The following ZNF654 variants were observed in gnomAD, a reference collection of about 807,000 sequenced individuals.
The protein encoded by ZNF654 is zinc finger protein 654.
ZNF654 carries 19 observed loss-of-function variants against 95.3 expected under a neutral mutation model. That is an observed-to-expected ratio of 0.20 (90% CI 0.14 to 0.29). The LOEUF (loss-of-function observed/expected upper bound fraction) is 0.29, where lower values mean the gene tolerates loss of function less well. Among genes scored for constraint, ZNF654 ranks in the 10% least tolerant of loss-of-function variants. The pLI is 1.00. For missense variants in ZNF654, 1,046 were observed against 1,341.0 expected, an observed-to-expected ratio of 0.78 and a Z score of 3.44; for synonymous variants, 413 against 457.9, an observed-to-expected ratio of 0.90 and a Z score of 1.25.
At chr3:88,122,561 C>T (rs1362977784) in intron 3 of ZNF654, among the ~76,000 whole-genome samples, 4 of 152,036 alleles carry the variant, frequency 2.6e-5, no homozygotes. Context: ...TTCGCTCTAC[C>T]TTTGGCCAAG....
chr3:88,130,982 T>C (rs754547166), intron 6 of ZNF654, among the ~76,000 whole-genome samples: 8 of 152,172 alleles, frequency 5.3e-5, no homozygotes, highest in Non-Finnish European at 8.8e-5. Context: ...CACACCTTTA[T>C]ATACAGTTAT....
In ZNF654 at chr3:88,140,500, A is replaced by C; in HGVS notation, c.2831A>C (p.Glu944Ala). The C allele has an allele frequency of 6.2e-7, 1 of 1,613,818 alleles. No individual in the cohort carries two copies. Among genetic ancestry groups the C allele is most frequent in the Non-Finnish European group, 8.5e-7 (1 of 1,179,758 alleles). Residue 944 changes from glutamate to alanine, a missense_variant, in exon 8 of 9, where the codon GAA becomes GCA. By Grantham distance (107) the Glu-to-Ala change is moderately radical (BLOSUM62 -1). Around this residue, in one of 9 missense-constraint regions of ZNF654, gnomAD observed 495 missense variants for 537.0 expected, o/e 0.92. Transcript: ENST00000636215. Reference protein sequence around the residue: ...KTDSLVQNGNERSDDTVSNIS... With the variant: ...KTDSLVQNGNARSDDTVSNIS... ...GACAGTTTAGTTCAGAATGGAAACGAACGTTCTGATGACACTGTTTCAAAT... is the reference window on the plus strand; with the variant it reads ...GACAGTTTAGTTCAGAATGGAAACGCACGTTCTGATGACACTGTTTCAAAT...
At chr3:88,072,787 A>G (rs1250452510) in intron 1 of ZNF654, among the ~76,000 whole-genome samples, 2 of 152,236 alleles carry the variant, frequency 1.3e-5, no homozygotes, top group Admixed American at 6.5e-5. Context: ...CTTGGTACAC[A>G]GTAGGCACTC....
At chr3:88,107,650 C>A (rs1288576858) in intron 2 of ZNF654, among the ~76,000 whole-genome samples, 1 of 152,074 alleles carries the variant, frequency 6.6e-6, no homozygotes, top group South Asian at 2.1e-4. Context: ...TTAACTCTTG[C>A]TTCTTGTGTT....
Position 88,059,303 on chromosome 3 carries a change from T to A in ZNF654, c.-17T>A. On this transcript the variant is annotated 5_prime_UTR_variant, in exon 1 of 9. Transcript: ENST00000636215. Reference sequence around the variant, plus strand: ...CGGCGGCGCAGGGGCTGGTACGCGCTGGGCGGCGAGAGCCTCATGGCGGAG... The same window carrying A: ...CGGCGGCGCAGGGGCTGGTACGCGCAGGGCGGCGAGAGCCTCATGGCGGAG... The A allele has an allele frequency of 6.5e-7, 1 of 1,533,272 alleles. No individual in the cohort carries two copies. The highest frequency in any genetic ancestry group is 8.7e-7 in the Non-Finnish European group (1 of 1,146,548). The allele number at this position is 1,533,272 out of a possible 1,614,324, so 95.0% of individuals were successfully genotyped here.
rs571801489 is a variant in ZNF654, at chr3:88,139,102, C to T, written c.1433C>T (p.Thr478Ile). Residue 478 changes from threonine to isoleucine, a missense_variant, in exon 8 of 9, where the codon ACA (threonine) becomes ATA (isoleucine). By Grantham distance (89) the Thr-to-Ile change is moderately conservative (BLOSUM62 -1). Coordinates refer to ENST00000636215, the MANE Select transcript of ZNF654 (RefSeq NM_001350134.2). Reference sequence around the variant, plus strand: ...GCAGTTAGATTTCTAAATGAAAGCACACTGGAAAATAATGCAGGTAATCTA... The same window carrying T: ...GCAGTTAGATTTCTAAATGAAAGCATACTGGAAAATAATGCAGGTAATCTA... ...KSAVRFLNESTLENNAGNLKR... is the reference protein window; with the variant it reads ...KSAVRFLNESILENNAGNLKR... 28 of 1,263,020 alleles carry T rather than the reference C, an allele frequency of 2.2e-5. No homozygotes were observed. In the Admixed American group the frequency reaches 3.9e-4, roughly 18 times the overall value. 78.2% of individuals were successfully genotyped at this position (1,263,020 alleles called of 1,614,324 possible).
At chr3:88,119,270 TA>T (rs1222390549) in intron 3 of ZNF654, among the ~76,000 whole-genome samples, 7 of 146,312 alleles carry the variant, frequency 4.8e-5, no homozygotes, top group Non-Finnish European at 9.0e-5. Flanking sequence ...TCATTCTCAG[TA>T]AACTATCGCA....
rs569657662 is a variant in ZNF654 at position 88,077,749 on chromosome 3, A to G, written c.187-8508A>G. On this transcript the variant is annotated intron_variant, in intron 1 of 8. Coordinates refer to ENST00000636215, the MANE Select transcript of ZNF654 (RefSeq NM_001350134.2). ...TTTAACAGAATATTTTAAAAACTGA[A>G]GAAGTCACAACTGATTTTAAATATT... 2.2e-4 allele frequency among the ~76,000 whole-genome samples: 33 copies of G among 152,336 alleles called. No individual in the cohort carries two copies. The South Asian group carries it at 6.4e-3, about 30-fold the overall frequency.
Position 88,143,562 on chromosome 3 carries a change from A to G in ZNF654, c.*1910A>G, listed in dbSNP as rs1707225190. 1 of 152,332 alleles carries G rather than the reference A, an allele frequency of 6.6e-6. No homozygotes were observed. 9.4% of individuals were successfully genotyped at this position (152,332 alleles called of 1,614,324 possible). On this transcript the variant is annotated 3_prime_UTR_variant, in exon 9 of 9. Transcript: ENST00000636215. ...AATATTTCTGCTTTGTACATTTTCC[A>G]GAAGTTTAATATTTTATCACATTTT...
chr3:88,086,613 A>G (rs1054297881), intron 2 of ZNF654, among the ~76,000 whole-genome samples: 1 of 152,204 alleles, frequency 6.6e-6, no homozygotes, highest in African/African-American at 2.4e-5. Flanking sequence ...ATTTTGATAT[A>G]CAGATTCTTC....
chr3:88,112,358 G>A (rs1705144020), intron 2 of ZNF654, among the ~76,000 whole-genome samples: 1 of 151,694 alleles, frequency 6.6e-6, no homozygotes, highest in South Asian at 2.1e-4. Context: ...GATTTAGAGG[G>A]ATTTGTCACT....
At position 88,100,899 on chromosome 3, in the gene ZNF654, T is replaced by C. The variant is rs552275870; in HGVS notation, c.333-12216T>C. On this transcript the variant is annotated intron_variant, in intron 2 of 8. Transcript: ENST00000636215. The stretch of plus-strand genomic sequence containing the variant: ...GTGTGCAGCACACCAACATGGCACC[T>C]GTATACATATGTAACAAACCTGCAC... Among the ~76,000 whole-genome samples, 281 of 152,336 alleles carry C rather than the reference T, an allele frequency of 1.8e-3. 5 individuals carry two copies. The highest frequency in any genetic ancestry group is 6.4e-3 in the African/African-American group (265 of 41,568).
intron 2 of ZNF654, among the ~76,000 whole-genome samples, chr3:88,088,677 GGAAA>G (rs912271441): frequency 6.6e-6 from 1 of 152,016 alleles, no homozygotes; most frequent in African/African-American, 2.4e-5. Flanking sequence ...ATTGTAGGAG[GGAAA>G]GAGAGTTTAG....
chr3:88,085,195 TA>T (rs988177608), intron 1 of ZNF654, among the ~76,000 whole-genome samples: 3 of 152,164 alleles, frequency 2.0e-5, no homozygotes, highest in African/African-American at 7.2e-5. Flanking sequence ...CTAGTTTTCT[TA>T]GCTTATGTAT....
intron 2 of ZNF654, among the ~76,000 whole-genome samples, chr3:88,110,174 A>G (rs1705003296): frequency 6.6e-6 from 1 of 152,120 alleles, no homozygotes; most frequent in African/African-American, 2.4e-5. Flanking sequence ...AGTTACTATT[A>G]TTGTGTTTTA....
intron 2 of ZNF654, among the ~76,000 whole-genome samples, chr3:88,088,738 CTTTA>C (rs1159947049): frequency 8.7e-4 from 121 of 138,678 alleles, no homozygotes; most frequent in South Asian, 2.5e-3. Context: ...AAAAAAAAAC[CTTTA>C]TTTATGTATG....
chr3:88,141,718 A>G lies in ZNF654; in HGVS notation c.*66A>G. The G allele has an allele frequency of 7.7e-7, 1 of 1,295,496 alleles. No individual in the cohort carries two copies. 80.3% of individuals were successfully genotyped at this position (1,295,496 alleles called of 1,614,324 possible). ...TGAAAAAAGCACTATAAGAAAATGCATCATCAGTTTGCTATTTCCCTGATG... is the reference window on the plus strand; with the variant it reads ...TGAAAAAAGCACTATAAGAAAATGCGTCATCAGTTTGCTATTTCCCTGATG... On this transcript the variant is annotated 3_prime_UTR_variant, in exon 9 of 9. Coordinates refer to ENST00000636215, the MANE Select transcript of ZNF654 (RefSeq NM_001350134.2).
chr3:88,107,097 CA>C lies in ZNF654; in HGVS notation c.333-6017del, dbSNP rs1704790346. On this transcript the variant is annotated intron_variant, in intron 2 of 8. Transcript: ENST00000636215. Reference sequence around the variant, plus strand: ...ATTTTGTAATGAAATTGTCTACCCCCAGAAAAACTTGAAGATACTTTTACTG... The same window carrying C: ...ATTTTGTAATGAAATTGTCTACCCCCGAAAAACTTGAAGATACTTTTACTG... Among the ~76,000 whole-genome samples, 4 of 152,296 alleles carry C rather than the reference CA, an allele frequency of 2.6e-5. No homozygotes were observed. In the South Asian group the frequency reaches 8.3e-4, roughly 32 times the overall value.
At chr3:88,109,570 A>G (rs1371327800) in intron 2 of ZNF654, among the ~76,000 whole-genome samples, 2 of 152,096 alleles carry the variant, frequency 1.3e-5, no homozygotes, top group East Asian at 3.9e-4. Context: ...TTAGTGTAAA[A>G]ATTACTAATA....
Sources: gnomAD v4.1 joint callset for allele counts (sites outside exome capture counted in the v4.1 genomes callset) on GRCh38, gnomAD v4.1.1 for gene constraint, gnomAD v4.1.1 regional missense constraint, MANE v1.5 for transcripts, NCBI Gene and HGNC (gene_info 2026-07-23, HGNC 2026-07-21) for gene names.